ROBO2: variants seen among roughly 807,000 people sequenced by gnomAD.
ROBO2 encodes roundabout homolog 2.
A neutral mutation model predicts 160.8 loss-of-function variants in ROBO2; 53 were observed. That is an observed-to-expected ratio of 0.33 (90% CI 0.26 to 0.41). ROBO2 has a LOEUF of 0.41. ROBO2 is among the 10% of genes least tolerant of loss of function. ROBO2 has a pLI of 1.00. For missense variants in ROBO2, 1,577 were observed against 1,722.4 expected (o/e 0.92, Z 1.49); for synonymous variants, 664 against 611.7 (o/e 1.09, Z -1.26).
At chr3:77,463,588 T>G (rs1273435501) in intron 2 of ROBO2, among the ~76,000 whole-genome samples, 2 of 151,936 alleles carry the variant, frequency 1.3e-5, no homozygotes, top group African/African-American at 2.4e-5. Flanking sequence ...ATTATTATTA[T>G]TAGTTTTCTT....
At chr3:76,637,923 G>A (rs560270525) in intron 2 of ROBO2, among the ~76,000 whole-genome samples, 1 of 152,258 alleles carries the variant, frequency 6.6e-6, no homozygotes, top group East Asian at 1.9e-4. Context: ...TCTCTGTATA[G>A]TATTATGGAG....
intron 1 of ROBO2, among the ~76,000 whole-genome samples, chr3:75,913,542 A>G (rs1177591806): frequency 3.3e-5 from 5 of 152,194 alleles, no homozygotes; most frequent in African/African-American, 4.8e-5. Context: ...GGAAGTTTTC[A>G]TCTGACTGAT....
intron 2 of ROBO2, among the ~76,000 whole-genome samples, chr3:76,904,627 C>T (rs147844803): frequency 2.8e-4 from 42 of 152,228 alleles, no homozygotes; most frequent in African/African-American, 9.6e-4. Flanking sequence ...GACAGTTCTC[C>T]ATCCCGTGGC....
chr3:76,804,709 TGC>T (rs2064533470), intron 2 of ROBO2, among the ~76,000 whole-genome samples: 2 of 152,206 alleles, frequency 1.3e-5, no homozygotes, highest in Admixed American at 1.3e-4. Flanking sequence ...ATAATAATAG[TGC>T]CAACCTCCTA....
Position 76,150,651 on chromosome 3 carries a change from T to C in ROBO2, c.109+213049T>C, listed in dbSNP as rs189377389. Among the ~76,000 whole-genome samples the C allele has an allele frequency of 7.6e-3, 1,154 of 152,262 alleles. 16 individuals are homozygous for C. Among genetic ancestry groups the C allele is most frequent in the South Asian group, 0.022 (108 of 4,826 alleles). Reference sequence around the variant, plus strand: ...TGGCTAATTCTTACTTTCCTTAATATTCACTCAAATATCACATCATCAGGG... The same window carrying C: ...TGGCTAATTCTTACTTTCCTTAATACTCACTCAAATATCACATCATCAGGG... On this transcript the variant is annotated intron_variant, in intron 2 of 26. Transcript: ENST00000487694.
At chr3:76,434,688 C>T in intron 2 of ROBO2, 2 of 1,121,086 alleles carry the variant, frequency 1.8e-6, no homozygotes, top group East Asian at 2.4e-5. Flanking sequence ...TCAGGTCCTC[C>T]TCCCCGTTCA....
At chr3:76,613,794 G>A (rs2088341777) in intron 2 of ROBO2, among the ~76,000 whole-genome samples, 1 of 151,960 alleles carries the variant, frequency 6.6e-6, no homozygotes, top group Non-Finnish European at 1.5e-5. Context: ...AAATTGAAAG[G>A]TGAAAATAAG....
chr3:76,015,680 T>C (rs942418250), intron 2 of ROBO2, among the ~76,000 whole-genome samples: 1 of 152,222 alleles, frequency 6.6e-6, no homozygotes, highest in African/African-American at 2.4e-5. Flanking sequence ...ACAATCCATT[T>C]GTTGCAGGGC....
upstream of ROBO2, among the ~76,000 whole-genome samples, chr3:77,038,459 C>G (rs1242712565): frequency 1.3e-5 from 2 of 152,066 alleles, no homozygotes; most frequent in African/African-American, 4.8e-5. Context: ...ACACAGCGCC[C>G]ATAATATGCA....
chr3:77,208,885 T>G (rs915414570), intron 2 of ROBO2, among the ~76,000 whole-genome samples: 1 of 152,180 alleles, frequency 6.6e-6, no homozygotes, highest in Admixed American at 6.5e-5. Context: ...AAAACCTTAG[T>G]ACTTGGACTT....
intron 2 of ROBO2, among the ~76,000 whole-genome samples, chr3:76,469,886 C>T (rs1394516501): frequency 6.6e-6 from 1 of 152,150 alleles, no homozygotes; most frequent in Non-Finnish European, 1.5e-5. Flanking sequence ...AAATTTTCTT[C>T]TTTTTGCTTA....
chr3:77,594,811 T>C (rs1346259644), intron 17 of ROBO2, among the ~76,000 whole-genome samples: 1 of 152,190 alleles, frequency 6.6e-6, no homozygotes, highest in Non-Finnish European at 1.5e-5. Flanking sequence ...CTTGATTTGA[T>C]AAATTCACAA....
At chr3:77,223,710 T>A (rs1402133901) in intron 2 of ROBO2, among the ~76,000 whole-genome samples, 2 of 152,048 alleles carry the variant, frequency 1.3e-5, no homozygotes, top group Non-Finnish European at 2.9e-5. Flanking sequence ...TAAAGAAAAA[T>A]CACTTTTGAA....
chr3:76,902,008 T>C (rs1035940625), intron 2 of ROBO2, among the ~76,000 whole-genome samples: 2 of 152,044 alleles, frequency 1.3e-5, no homozygotes, highest in Non-Finnish European at 2.9e-5. Flanking sequence ...ACATGTTTTA[T>C]ATAATTTTTT....
intron 2 of ROBO2, among the ~76,000 whole-genome samples, chr3:76,769,535 C>T (rs2061764987): frequency 6.6e-6 from 1 of 151,252 alleles, no homozygotes; most frequent in African/African-American, 2.4e-5. Flanking sequence ...AGAACAAAGG[C>T]CAAAATAACT....
In ROBO2 at chr3:76,234,321, A is replaced by T. The variant is rs151179279; in HGVS notation, c.109+296719A>T. Among the ~76,000 whole-genome samples the T allele has an allele frequency of 5.3e-4, 80 of 152,272 alleles. 1 individual carries two copies. The highest frequency in any genetic ancestry group is 1.8e-3 in the African/African-American group (74 of 41,536). On this transcript the variant is annotated intron_variant, in intron 2 of 26. Transcript: ENST00000487694. ...TATGTTCTTTGGGTATATATTCAAT[A>T]GTGGAATTGTTGGGTTGAGTGGGAA...
intron 2 of ROBO2, among the ~76,000 whole-genome samples, chr3:77,469,020 G>T (rs143356209): frequency 1.5e-4 from 23 of 152,288 alleles, no homozygotes; most frequent in Admixed American, 2.0e-4. Context: ...CTGGTGGCTA[G>T]CCTGCCCATC....
intron 2 of ROBO2, among the ~76,000 whole-genome samples, chr3:76,189,526 C>T (rs1025053548): frequency 1.1e-4 from 17 of 152,116 alleles, no homozygotes; most frequent in African/African-American, 4.1e-4. Flanking sequence ...AGATTTTAAA[C>T]ATTTTTCAGA....
intron 2 of ROBO2, among the ~76,000 whole-genome samples, chr3:75,943,647 G>A (rs1162854890): frequency 2.0e-5 from 3 of 152,088 alleles, no homozygotes; most frequent in Non-Finnish European, 2.9e-5. Flanking sequence ...AAGTAAAGTG[G>A]TAGGATCAGA....
Sources: allele counts gnomAD v4.1 joint callset (sites outside exome capture counted in the v4.1 genomes callset), GRCh38; gene constraint gnomAD v4.1.1; transcripts MANE v1.5; gene names NCBI Gene and HGNC (gene_info 2026-07-23, HGNC 2026-07-21).